Variants in UBOX5 observed in about 807,000 individuals in gnomAD.
UBOX5 encodes the protein RING finger protein 37.
A neutral mutation model predicts 39.0 loss-of-function variants in UBOX5; 28 were observed. The observed-to-expected ratio is 0.72, with a 90% CI of 0.53 to 0.98. UBOX5 has a LOEUF of 0.98. UBOX5 is among the 50% of genes least tolerant of loss of function. The pLI is 0.00. For synonymous variants in UBOX5, 283 were observed against 275.5 expected (o/e 1.03, Z -0.27); for missense variants, 585 against 674.4 (o/e 0.87, Z 1.47).
chr20:3,118,395 C>T (rs779873655), intron 3 of UBOX5, among the ~76,000 whole-genome samples: 5 of 151,336 alleles, frequency 3.3e-5, no homozygotes, highest in Admixed American at 1.3e-4. Context: ...ATTGCTTAGA[C>T]CAGGAGGCAG....
Position 3,122,217 on chromosome 20 carries a change from G to C in UBOX5, c.422C>G (p.Pro141Arg). ...GAGTGTGGCTTCCATCGCGCCAAAAGGGGGCCTGGCCTTGAAGCCCCTGTG... is the reference window on the plus strand; with the variant it reads ...GAGTGTGGCTTCCATCGCGCCAAAACGGGGCCTGGCCTTGAAGCCCCTGTG... ...FSHRGFKARP[P>R]FGAMEATLPS... Residue 141 changes from proline (P) to arginine (R), a missense_variant, in exon 3 of 5, where the codon CCT becomes CGT. Physicochemically the swap from Pro to Arg is moderately radical, Grantham distance 103. Coordinates refer to ENST00000217173, the MANE Select transcript of UBOX5 (RefSeq NM_014948.4). 12 of 1,614,256 alleles carry C rather than the reference G, an allele frequency of 7.4e-6. No individual in the cohort carries two copies. The highest frequency in any genetic ancestry group is 9.3e-6 in the Non-Finnish European group (11 of 1,180,050).
Position 3,146,976 on chromosome 20 carries a change from C to A in UBOX5, c.-42+12790G>T, listed in dbSNP as rs374794600. 21 of 1,614,082 alleles carry A rather than the reference C, an allele frequency of 1.3e-5. No homozygotes were observed. In the African/African-American group the frequency reaches 2.1e-4, roughly 16 times the overall value. ...TACTGGTTCCTGTTTGTGAACTGAA[C>A]AGCCAGCTTCATTCTTGGGGTCTGC... On this transcript the variant is annotated intron_variant, in intron 1 of 4. Transcript: ENST00000217173.
intron 1 of UBOX5, among the ~76,000 whole-genome samples, chr20:3,126,197 T>C (rs1172565698): frequency 6.6e-6 from 1 of 152,206 alleles, no homozygotes. Context: ...GCTGTTAATC[T>C]ATAACCTTAC....
chr20:3,149,001 C>T lies in UBOX5; in HGVS notation c.-42+10765G>A. On this transcript the variant is annotated intron_variant, in intron 1 of 4. Coordinates refer to ENST00000217173, the MANE Select transcript of UBOX5 (RefSeq NM_014948.4). The surrounding 1 kb of genome is among the most constrained non-coding windows in gnomAD (Gnocchi z 4.1). ...TTCCAGTATGACACACTTCGGACTG[C>T]ACCAAAGGCAGAAGGACTGCAAAAT... The T allele has an allele frequency of 6.2e-7, 1 of 1,614,096 alleles. No individual in the cohort carries two copies. Among genetic ancestry groups the T allele is most frequent in the Non-Finnish European group, 8.5e-7 (1 of 1,180,008 alleles).
chr20:3,115,017 G>T (rs2066282460), intron 4 of UBOX5, among the ~76,000 whole-genome samples: 1 of 152,132 alleles, frequency 6.6e-6, no homozygotes, highest in Non-Finnish European at 1.5e-5. Context: ...ATTAACATTA[G>T]ATCTCACAAG....
At position 3,142,454 on chromosome 20, in the gene UBOX5, A is replaced by G. The variant is rs181388057; in HGVS notation, c.-42+17312T>C. ...TGTCTCTACTAAAAATACAAAAAAA[A>G]TCACCCAGGCGTAGTGGTGGGTGCC... On this transcript the variant is annotated intron_variant, in intron 1 of 4. Transcript: ENST00000217173. Among the ~76,000 whole-genome samples the G allele has an allele frequency of 3.0e-3, 456 of 152,090 alleles. 3 individuals carry two copies. The highest frequency in any genetic ancestry group is 0.011 in the African/African-American group (440 of 41,508).
intron 3 of UBOX5, among the ~76,000 whole-genome samples, chr20:3,120,789 C>T (rs2066329321): frequency 6.6e-6 from 1 of 152,198 alleles, no homozygotes; most frequent in South Asian, 2.1e-4. Context: ...TGTGGCTTTT[C>T]TCTTCAGTAA....
rs1413491664 is a variant in UBOX5, at chr20:3,109,875, G to C, written c.*231C>G. 6.7e-6 allele frequency: 4 copies of C among 592,752 alleles called. No individual in the cohort carries two copies. Among genetic ancestry groups the C allele is most frequent in the Non-Finnish European group, 1.2e-5 (4 of 336,786 alleles). The allele number at this position is 592,752 out of a possible 1,614,324, so 36.7% of individuals were successfully genotyped here. A position where few individuals can be genotyped will look rare whatever the true frequency, so the allele number is the denominator to read the frequency against. On this transcript the variant is annotated 3_prime_UTR_variant, in exon 5 of 5. Coordinates refer to ENST00000217173, the MANE Select transcript of UBOX5 (RefSeq NM_014948.4). ...TGGGTCCTGGGCTCAGGCAGGGGGG[G>C]TGGCAGGGAGGCAGGGACATCCCCC...
chr20:3,116,967 G>A (rs984475903), intron 3 of UBOX5, among the ~76,000 whole-genome samples: 15 of 151,912 alleles, frequency 9.9e-5, no homozygotes, highest in Non-Finnish European at 1.5e-4. Flanking sequence ...GTAGTAGTGC[G>A]TGCCTGTAAT....
intron 1 of UBOX5, among the ~76,000 whole-genome samples, chr20:3,126,497 T>A (rs921455108): frequency 9.7e-5 from 8 of 82,388 alleles, no homozygotes; most frequent in South Asian, 3.6e-4. Context: ...CACCCAAGAA[T>A]GATCAATAAA....
At chr20:3,130,781 CTT>C (rs563038445) in intron 1 of UBOX5, among the ~76,000 whole-genome samples, 11 of 139,038 alleles carry the variant, frequency 7.9e-5, no homozygotes, top group Admixed American at 1.4e-4. Flanking sequence ...GTTGTTTTTG[CTT>C]TTTTTTTTTT....
In UBOX5 at chr20:3,115,305, C is replaced by G. The variant is rs1266143137; in HGVS notation, c.1417G>C (p.Glu473Gln). 1 of 1,610,014 alleles carries G rather than the reference C, an allele frequency of 6.2e-7. No individual in the cohort carries two copies. The highest frequency in any genetic ancestry group is 8.5e-7 in the Non-Finnish European group (1 of 1,178,262). The change falls in exon 4 of 5, where the codon GAG (glutamate) becomes CAG (glutamine). Residue 473 changes from glutamate (E) to glutamine (Q), a missense_variant and splice_region_variant. Glu to Gln is a conservative substitution (Grantham distance 29, BLOSUM62 2). Transcript: ENST00000217173. ...NTSWRPGTGS[E>Q]QPGSILGPEC... ...AAGGAGATGGCGGGGCCCATGTTAC[C>G]CGAGCCGGTGCCAGGCCTCCAGGAA...
chr20:3,147,622 C>T (rs765793166), intron 1 of UBOX5: 1 of 1,614,230 alleles, frequency 6.2e-7, no homozygotes, highest in Admixed American at 1.7e-5. Flanking sequence ...CTGGAAAGTA[C>T]TCCAAAAATG....
chr20:3,141,642 G>T (rs545941029), intron 1 of UBOX5, among the ~76,000 whole-genome samples: 1 of 150,306 alleles, frequency 6.7e-6, no homozygotes, highest in Admixed American at 6.6e-5. Context: ...GCGAAACTCC[G>T]TCTCAAAAAA....
Position 3,109,787 on chromosome 20 carries a change from A to C in UBOX5, c.*319T>G. The C allele has an allele frequency of 2.5e-6, 1 of 392,932 alleles. No individual in the cohort carries two copies. The highest frequency in any genetic ancestry group is 5.8e-5 in the East Asian group (1 of 17,100). 24.3% of individuals were successfully genotyped at this position (392,932 alleles called of 1,614,324 possible). ...ACAGTGCCCTGCTGGACAGGGGGGTATGCGGACTGCACGGGGGGGCCCTCA... is the reference window on the plus strand; with the variant it reads ...ACAGTGCCCTGCTGGACAGGGGGGTCTGCGGACTGCACGGGGGGGCCCTCA... On this transcript the variant is annotated 3_prime_UTR_variant, in exon 5 of 5. Transcript: ENST00000217173.
At chr20:3,150,356 A>C (rs2148622861) in intron 1 of UBOX5, among the ~76,000 whole-genome samples, 1 of 152,290 alleles carries the variant, frequency 6.6e-6, no homozygotes, top group Middle Eastern at 3.4e-3. Flanking sequence ...CAATTGACGC[A>C]ACTGCCCCGC....
intron 4 of UBOX5, chr20:3,110,624 T>C (rs6037486): frequency 0.14 from 54,535 of 400,358 alleles, 6,587 homozygotes; most frequent in African/African-American, 0.45. Context: ...TACTTTCCCC[T>C]GCGATAGGTG....
chr20:3,133,014 T>C (rs564805938), intron 1 of UBOX5, among the ~76,000 whole-genome samples: 1 of 152,068 alleles, frequency 6.6e-6, no homozygotes, highest in African/African-American at 2.4e-5. Context: ...GAAAAAGTGA[T>C]TGAAAACAAC....
rs1377837679 is a variant in UBOX5, at chr20:3,110,031, G to A, written c.*75C>T. 3 of 1,569,394 alleles carry A rather than the reference G, an allele frequency of 1.9e-6. No homozygotes were observed. Among genetic ancestry groups the A allele is most frequent in the South Asian group, 2.2e-5 (2 of 89,816 alleles). On this transcript the variant is annotated 3_prime_UTR_variant, in exon 5 of 5. Coordinates refer to ENST00000217173, the MANE Select transcript of UBOX5 (RefSeq NM_014948.4). ...GTGCCTGGGGCCTGGCCAGACCTCA[G>A]GGGTGCTGTGGCCCTGCTCCTGTTC... is the stretch of plus-strand genomic sequence containing the variant.
Sources: allele counts gnomAD v4.1 joint callset (sites outside exome capture counted in the v4.1 genomes callset), GRCh38; gene constraint gnomAD v4.1.1; non-coding constraint Gnocchi (gnomAD v3.1); transcripts MANE v1.5; gene names NCBI Gene and HGNC (gene_info 2026-07-23, HGNC 2026-07-21).